NME7: variants seen among roughly 807,000 people sequenced by gnomAD.
NME7 encodes NME/NM23 family member 7.
In NME7, 41 loss-of-function variants were observed where a neutral mutation model predicts 49.1. The observed-to-expected ratio is 0.83, with a 90% CI of 0.65 to 1.08. The LOEUF (loss-of-function observed/expected upper bound fraction) is 1.08. Among genes scored for constraint, NME7 ranks in the 50% least tolerant of loss-of-function variants. NME7 has a pLI of 0.00. For missense variants in NME7, 423 were observed against 463.4 expected (o/e 0.91, Z 0.80); for synonymous variants, 139 against 150.6 (o/e 0.92, Z 0.56).
chr1:169,321,718 T>A (rs560208279), intron 3 of NME7, among the ~76,000 whole-genome samples: 1 of 152,314 alleles, frequency 6.6e-6, no homozygotes, highest in East Asian at 1.9e-4. Flanking sequence ...AAAGTGCTTA[T>A]ACAGAAAGAC....
At chr1:169,228,041 TACACACACACAC>T (rs72257273) in intron 10 of NME7, among the ~76,000 whole-genome samples, 3 of 147,128 alleles carry the variant, frequency 2.0e-5, no homozygotes, top group South Asian at 4.4e-4. Flanking sequence ...TATGTGTGTA[TACACACACACAC>T]ACACACACAC....
chr1:169,147,434 T>G (rs1260684874), intron 11 of NME7, among the ~76,000 whole-genome samples: 1 of 152,242 alleles, frequency 6.6e-6, no homozygotes, highest in African/African-American at 2.4e-5. Context: ...GGTTCAAGTC[T>G]GTGCTCTGTT....
At chr1:169,287,224 C>T (rs1477249620) in intron 7 of NME7, 79 bp downstream of exon 7, 1 of 1,149,034 alleles carries the variant, frequency 8.7e-7, no homozygotes, top group African/African-American at 1.6e-5. Flanking sequence ...ACTTTATTTT[C>T]TATACATAAA....
chr1:169,201,121 C>T (rs1660536895), intron 10 of NME7, among the ~76,000 whole-genome samples: 2 of 152,036 alleles, frequency 1.3e-5, no homozygotes, highest in African/African-American at 4.8e-5. Context: ...GTCCCAGCTA[C>T]TTGGCAGGCT....
intron 7 of NME7, among the ~76,000 whole-genome samples, chr1:169,244,992 A>G (rs1450796669): frequency 6.6e-6 from 1 of 151,924 alleles, no homozygotes; most frequent in Non-Finnish European, 1.5e-5. Flanking sequence ...AGCCAGACAT[A>G]GTGCCACATG....
chr1:169,309,550 C>T (rs1651303414), intron 4 of NME7, among the ~76,000 whole-genome samples: 1 of 152,134 alleles, frequency 6.6e-6, no homozygotes, highest in African/African-American at 2.4e-5. Flanking sequence ...TGGAAGTTCA[C>T]CACCAATTTC....
intron 7 of NME7, among the ~76,000 whole-genome samples, chr1:169,248,373 A>G (rs1042659366): frequency 6.6e-6 from 1 of 152,018 alleles, no homozygotes; most frequent in African/African-American, 2.4e-5. Context: ...GATTCTAGAT[A>G]TTAGTCCTTT....
intron 1 of NME7, among the ~76,000 whole-genome samples, chr1:169,329,032 C>T (rs1375329496): frequency 2.6e-5 from 4 of 152,008 alleles, no homozygotes; most frequent in Admixed American, 1.3e-4. Context: ...ATGAACTTAC[C>T]AAATAAACCA....
chr1:169,299,066 C>T (rs1650827339), intron 5 of NME7, among the ~76,000 whole-genome samples: 1 of 152,106 alleles, frequency 6.6e-6, no homozygotes, highest in Non-Finnish European at 1.5e-5. Flanking sequence ...CTATGCTTTT[C>T]CCAGTGCTCT....
At chr1:169,349,532 C>T (rs972990604) in intron 1 of NME7, among the ~76,000 whole-genome samples, 16 of 152,146 alleles carry the variant, frequency 1.1e-4, no homozygotes, top group Non-Finnish European at 2.1e-4. Flanking sequence ...TAACAAATTA[C>T]ATAACAGTAT....
At chr1:169,200,201 G>T (rs566628882) in intron 10 of NME7, among the ~76,000 whole-genome samples, 1 of 152,176 alleles carries the variant, frequency 6.6e-6, no homozygotes, top group Admixed American at 6.5e-5. Flanking sequence ...AACGTGATAA[G>T]CAATACTCAA....
chr1:169,240,574 C>T (rs1648048109), intron 7 of NME7, among the ~76,000 whole-genome samples: 1 of 151,920 alleles, frequency 6.6e-6, no homozygotes, highest in Admixed American at 6.6e-5. Context: ...TACCCTGTTA[C>T]ATTAAAATCC....
intron 4 of NME7, among the ~76,000 whole-genome samples, chr1:169,304,285 T>C (rs1211722573): frequency 1.3e-5 from 2 of 152,204 alleles, no homozygotes; most frequent in African/African-American, 4.8e-5. Context: ...CTTAAAGGCT[T>C]TGAACTGGGT....
intron 10 of NME7, among the ~76,000 whole-genome samples, chr1:169,227,231 C>T (rs181280271): frequency 2.0e-5 from 3 of 152,158 alleles, no homozygotes; most frequent in Non-Finnish European, 4.4e-5. Flanking sequence ...TCATTCCTTG[C>T]GCTGAACATT....
intron 7 of NME7, among the ~76,000 whole-genome samples, chr1:169,279,415 G>C (rs547624832): frequency 4.3e-4 from 66 of 152,290 alleles, no homozygotes; most frequent in African/African-American, 1.5e-3. Context: ...CCCCAGCCTT[G>C]CTGCCAACTT....
chr1:169,241,850 C>T (rs1648101709), intron 7 of NME7, among the ~76,000 whole-genome samples: 2 of 151,702 alleles, frequency 1.3e-5, no homozygotes, highest in Admixed American at 6.6e-5. Context: ...CTAGTATTAT[C>T]CTGATATTGA....
intron 11 of NME7, among the ~76,000 whole-genome samples, chr1:169,163,896 G>C (rs1261292582): frequency 6.6e-6 from 1 of 152,052 alleles, no homozygotes; most frequent in African/African-American, 2.4e-5. Flanking sequence ...AGATCACAAG[G>C]TCAGGCGATC....
At chr1:169,313,588 A>G (rs772079234) in intron 3 of NME7, among the ~76,000 whole-genome samples, 1 of 152,190 alleles carries the variant, frequency 6.6e-6, no homozygotes, top group Non-Finnish European at 1.5e-5. Context: ...TTCATATGAA[A>G]ATGCATATCT....
At chr1:169,155,774 T>G (rs956621349) in intron 11 of NME7, among the ~76,000 whole-genome samples, 2 of 151,978 alleles carry the variant, frequency 1.3e-5, no homozygotes, top group African/African-American at 4.8e-5. Flanking sequence ...TTTTTTTTTT[T>G]TTTTGAAATG....
Sources: allele counts gnomAD v4.1 joint callset (sites outside exome capture counted in the v4.1 genomes callset), GRCh38; gene constraint gnomAD v4.1.1; transcripts MANE v1.5; gene names NCBI Gene and HGNC (gene_info 2026-07-23, HGNC 2026-07-21).